The following PIK3C2G variants were observed in gnomAD, a reference collection of about 807,000 sequenced individuals.
The protein encoded by PIK3C2G is phosphatidylinositol 3-kinase C2 domain-containing subunit gamma.
A neutral mutation model predicts 181.1 loss-of-function variants in PIK3C2G; 168 were observed. The ratio of observed to expected loss-of-function variants is 0.93; its 90% CI spans 0.82 to 1.05. The LOEUF is 1.05. PIK3C2G is among the 50% of genes least tolerant of loss of function. The pLI is 0.00. For synonymous variants in PIK3C2G, 573 were observed against 592.2 expected (o/e 0.97, Z 0.47); for missense variants, 1,869 against 1,732.8 (o/e 1.08, Z -1.40).
At chr12:18,509,291 G>A (rs551352745) in intron 24 of PIK3C2G, among the ~76,000 whole-genome samples, 30 of 152,118 alleles carry the variant, frequency 2.0e-4, no homozygotes, top group African/African-American at 6.5e-4. Context: ...CAGGCAATTC[G>A]CCCGCCTCGG....
chr12:18,713,064 G>T, the PIK3C2G span: 3 of 1,553,412 alleles, frequency 1.9e-6, no homozygotes, highest in Non-Finnish European at 1.8e-6. Context: ...ATATTCCAAA[G>T]ACCATTTGAT....
chr12:18,711,381 T>G, the PIK3C2G span, among the ~76,000 whole-genome samples: 1 of 84,884 alleles, frequency 1.2e-5, no homozygotes, highest in African/African-American at 4.8e-5. Context: ...CTGGGGACTG[T>G]TGTGGGGTGG....
At chr12:18,260,410 A>T (rs1265390362), upstream of PIK3C2G, among the ~76,000 whole-genome samples, 1 of 152,122 alleles carries the variant, frequency 6.6e-6, no homozygotes, top group African/African-American at 2.4e-5. Context: ...TTATTAAAAT[A>T]TAAAGGTATG....
chr12:18,281,174 T>C (rs533233178), intron 1 of PIK3C2G, among the ~76,000 whole-genome samples: 2 of 149,996 alleles, frequency 1.3e-5, no homozygotes, highest in African/African-American at 4.9e-5. Flanking sequence ...GGATGGTAAT[T>C]TAAACCACAG....
rs930389364 is a variant in PIK3C2G, at chr12:18,249,924, CT to C, written c.-79+1847del. ...TCCAACTAATAAATACTAATAGTTC[CT>C]TTTTAAAAAAAAAAAGCCTTTTAAT... On this transcript the variant is annotated intron_variant, in intron 1 of 11. Coordinates refer to the PIK3C2G transcript ENST00000535651. Among the ~76,000 whole-genome samples the C allele has an allele frequency of 2.0e-4, 18 of 89,014 alleles. No individual in the cohort carries two copies. The East Asian group carries it at 3.5e-3, about 18-fold the overall frequency. 58.4% of individuals were successfully genotyped at this position (89,014 alleles called of 152,430 possible).
intron 1 of PIK3C2G, among the ~76,000 whole-genome samples, chr12:18,253,853 T>TA (rs1349324200): frequency 4.0e-5 from 6 of 148,172 alleles, no homozygotes; most frequent in East Asian, 3.9e-4. Context: ...CTTCAATTAT[T>TA]TTTTTTTTTT....
chr12:18,271,119 A>T (rs956909176), intron 1 of PIK3C2G, among the ~76,000 whole-genome samples: 5 of 152,100 alleles, frequency 3.3e-5, no homozygotes, highest in Non-Finnish European at 2.9e-5. Context: ...CAGGCCCACC[A>T]CATTCTTCTA....
At chr12:18,666,025 A>C in the PIK3C2G span, among the ~76,000 whole-genome samples, 2 of 151,918 alleles carry the variant, frequency 1.3e-5, no homozygotes, top group South Asian at 2.1e-4. Flanking sequence ...ATTAAATGTT[A>C]ATTTAAACTA....
chr12:18,466,423 T>C (rs1190183982), intron 18 of PIK3C2G, among the ~76,000 whole-genome samples: 1 of 148,560 alleles, frequency 6.7e-6, no homozygotes, highest in African/African-American at 2.6e-5. Context: ...TGCTTTCAAC[T>C]CAGAACATCT....
intron 24 of PIK3C2G, among the ~76,000 whole-genome samples, chr12:18,536,326 C>A (rs1943851483): frequency 6.6e-6 from 1 of 152,102 alleles, no homozygotes; most frequent in African/African-American, 2.4e-5. Context: ...GTGCTTACTA[C>A]ATGCTAGGCT....
downstream of PIK3C2G, among the ~76,000 whole-genome samples, chr12:18,651,085 C>G (rs1950494950): frequency 6.6e-6 from 1 of 151,934 alleles, no homozygotes; most frequent in Non-Finnish European, 1.5e-5. Flanking sequence ...ACCTCCCATC[C>G]TCATCTCTCT....
At chr12:18,324,864 T>G (rs1951265795) in intron 7 of PIK3C2G, among the ~76,000 whole-genome samples, 171 bp from the exon 8 acceptor site, 1 of 152,196 alleles carries the variant, frequency 6.6e-6, no homozygotes, top group African/African-American at 2.4e-5. Flanking sequence ...TATACAAACT[T>G]TATAAGGCAC....
At chr12:18,614,361 G>C (rs1475971718) in intron 31 of PIK3C2G, among the ~76,000 whole-genome samples, 1 of 152,008 alleles carries the variant, frequency 6.6e-6, no homozygotes, top group East Asian at 1.9e-4. Flanking sequence ...ATTTTTTAAT[G>C]AAATAAACCA....
At chr12:18,693,990 T>C in the PIK3C2G span, 6 of 1,494,374 alleles carry the variant, frequency 4.0e-6, no homozygotes, top group Non-Finnish European at 5.6e-6. Context: ...GCTGGTCTGA[T>C]GGCCTTAAGA....
At chr12:18,494,891 C>T (rs1043509935) in intron 20 of PIK3C2G, among the ~76,000 whole-genome samples, 2 of 151,498 alleles carry the variant, frequency 1.3e-5, no homozygotes, top group African/African-American at 4.8e-5. Flanking sequence ...TCTTAACTGA[C>T]CTATCAACAC....
chr12:18,589,941 C>T (rs1345316390), intron 29 of PIK3C2G, among the ~76,000 whole-genome samples: 2 of 151,862 alleles, frequency 1.3e-5, no homozygotes, highest in Admixed American at 1.3e-4. Flanking sequence ...TTGCTCTCTC[C>T]TGCCTGTACC....
chr12:18,371,076 A>T, intron 12 of PIK3C2G, 104 bp from the exon 13 acceptor site: 1 of 900,624 alleles, frequency 1.1e-6, no homozygotes, highest in South Asian at 3.9e-5. Flanking sequence ...CCTCAATTCA[A>T]ATAGTTAAAT....
intron 26 of PIK3C2G, among the ~76,000 whole-genome samples, chr12:18,554,904 C>T (rs74068092): frequency 0.053 from 8,114 of 152,042 alleles, 687 homozygotes; most frequent in African/African-American, 0.18. Flanking sequence ...AACTTCAATA[C>T]AAAAAACAAA....
At chr12:18,435,203 CATT>C (rs1348759794) in intron 18 of PIK3C2G, among the ~76,000 whole-genome samples, 1 of 152,158 alleles carries the variant, frequency 6.6e-6, no homozygotes, top group Non-Finnish European at 1.5e-5. Context: ...ATCTAGAAGA[CATT>C]ATTCTTACCC....
Sources: allele counts gnomAD v4.1 joint callset (sites outside exome capture counted in the v4.1 genomes callset), GRCh38; gene constraint gnomAD v4.1.1; transcripts MANE v1.5; gene names NCBI Gene and HGNC (gene_info 2026-07-23, HGNC 2026-07-21).